The following NTNG1 variants were observed in gnomAD, a reference collection of about 807,000 sequenced individuals.
The protein encoded by NTNG1 is netrin-G1.
In NTNG1, 16 loss-of-function variants were observed where a neutral mutation model predicts 54.0. That is an observed-to-expected ratio of 0.30 (90% CI 0.20 to 0.45). The LOEUF (loss-of-function observed/expected upper bound fraction) is 0.45, where lower values mean the gene tolerates loss of function less well. NTNG1 is among the 20% of genes least tolerant of loss of function. The pLI, the probability that NTNG1 is intolerant of heterozygous loss-of-function variation, is 1.00. For synonymous variants in NTNG1, 255 were observed against 263.1 expected (o/e 0.97, Z 0.30); for missense variants, 530 against 678.7 (o/e 0.78, Z 2.43).
chr1:107,154,911 A>G (rs1268596305), intron 2 of NTNG1, among the ~76,000 whole-genome samples: 1 of 152,128 alleles, frequency 6.6e-6, no homozygotes, highest in Non-Finnish European at 1.5e-5. Flanking sequence ...GAAAGATTTA[A>G]CCGAATGCAG....
chr1:107,291,229 C>T (rs1314335817), intron 2 of NTNG1, among the ~76,000 whole-genome samples: 1 of 151,866 alleles, frequency 6.6e-6, no homozygotes, highest in African/African-American at 2.4e-5. Flanking sequence ...AATATGTGTT[C>T]TCTTCTTTAT....
intron 5 of NTNG1, chr1:107,409,144 C>G (rs972399092): frequency 6.6e-6 from 1 of 152,198 alleles, no homozygotes; most frequent in African/African-American, 2.4e-5. Context: ...ACCTTCAGCT[C>G]TAATAGTCTA....
At chr1:107,338,814 C>T (rs1668738576) in intron 3 of NTNG1, among the ~76,000 whole-genome samples, 1 of 142,988 alleles carries the variant, frequency 7.0e-6, no homozygotes, top group Admixed American at 7.0e-5. Flanking sequence ...CAGCCAAGGT[C>T]AAAACTTTAA....
chr1:107,452,606 A>G (rs1427291765), intron 7 of NTNG1, among the ~76,000 whole-genome samples: 3 of 152,070 alleles, frequency 2.0e-5, no homozygotes, highest in African/African-American at 7.2e-5. Context: ...CCTTCTGGTG[A>G]GACTGGATTA....
intron 2 of NTNG1, among the ~76,000 whole-genome samples, chr1:107,169,971 G>A (rs576202204): frequency 6.6e-6 from 1 of 152,310 alleles, no homozygotes; most frequent in African/African-American, 2.4e-5. Context: ...CTTCTTTAGG[G>A]AAGACTCAAC....
At position 107,398,288 on chromosome 1, in the gene NTNG1, T is replaced by TA. The variant is rs137974022; in HGVS notation, c.1060+2971dup. Reference sequence around the variant, plus strand: ...ATGTACCCTAAAACTTAAAGTATAATAAAAAAAAATAGGATGGTCAGTTTC... The same window carrying TA: ...ATGTACCCTAAAACTTAAAGTATAATAAAAAAAAAATAGGATGGTCAGTTTC... On this transcript the variant is annotated intron_variant, in intron 4 of 7. Coordinates refer to ENST00000370068, the MANE Select transcript of NTNG1 (RefSeq NM_001113226.3). Among the ~76,000 whole-genome samples the TA allele has an allele frequency of 0.012, 1,890 of 151,206 alleles. 93 individuals are homozygous for TA. In the East Asian group the frequency reaches 0.18, roughly 14 times the overall value.
chr1:107,411,551 G>C (rs998946837), intron 5 of NTNG1, among the ~76,000 whole-genome samples: 2 of 152,056 alleles, frequency 1.3e-5, no homozygotes, highest in African/African-American at 2.4e-5. Context: ...ATTAATAATC[G>C]CATTCATGTT....
chr1:107,186,676 C>T (rs1657484220), intron 2 of NTNG1, among the ~76,000 whole-genome samples: 1 of 152,124 alleles, frequency 6.6e-6, no homozygotes, highest in African/African-American at 2.4e-5. Flanking sequence ...ACCTTAAAGA[C>T]TTTGCGCTTG....
intron 4 of NTNG1, among the ~76,000 whole-genome samples, chr1:107,403,852 C>A (rs1673222748): frequency 6.6e-6 from 1 of 151,992 alleles, no homozygotes; most frequent in Non-Finnish European, 1.5e-5. Flanking sequence ...CTTTGTGCCT[C>A]TTCTATAAAA....
chr1:107,284,385 A>G (rs928465746), intron 2 of NTNG1, among the ~76,000 whole-genome samples: 3 of 152,156 alleles, frequency 2.0e-5, no homozygotes, highest in Admixed American at 6.6e-5. Flanking sequence ...TAATTTACCT[A>G]AAAGTATTGA....
At chr1:107,197,250 T>A (rs1658411397) in intron 2 of NTNG1, among the ~76,000 whole-genome samples, 1 of 152,132 alleles carries the variant, frequency 6.6e-6, no homozygotes, top group East Asian at 1.9e-4. Flanking sequence ...AAGGGTCAGC[T>A]GTGCTGAAAC....
intron 7 of NTNG1, among the ~76,000 whole-genome samples, chr1:107,445,374 T>C (rs1468412811): frequency 2.6e-5 from 4 of 152,092 alleles, no homozygotes; most frequent in Admixed American, 2.6e-4. Flanking sequence ...TTACAAATGG[T>C]CCCATCAGTT....
chr1:107,198,939 A>C (rs1458476399), intron 2 of NTNG1, among the ~76,000 whole-genome samples: 1 of 151,892 alleles, frequency 6.6e-6, no homozygotes, highest in Non-Finnish European at 1.5e-5. Flanking sequence ...ATTAGGAATG[A>C]GACACCGAAA....
At chr1:107,295,585 T>C (rs1417597773) in intron 2 of NTNG1, among the ~76,000 whole-genome samples, 1 of 152,122 alleles carries the variant, frequency 6.6e-6, no homozygotes, top group Non-Finnish European at 1.5e-5. Context: ...TGGCAACCTG[T>C]TTTTTCATTT....
chr1:107,368,064 C>T (rs933072708), intron 3 of NTNG1, among the ~76,000 whole-genome samples: 1 of 152,068 alleles, frequency 6.6e-6, no homozygotes, highest in African/African-American at 2.4e-5. Context: ...GGCCTAAAAA[C>T]TTTAAACAAG....
intron 3 of NTNG1, among the ~76,000 whole-genome samples, chr1:107,328,733 T>C (rs771895164): frequency 1.3e-5 from 2 of 152,128 alleles, no homozygotes; most frequent in Non-Finnish European, 2.9e-5. Flanking sequence ...TTATGAAATA[T>C]AAACTAAAAA....
chr1:107,228,475 T>C (rs1318101180), intron 2 of NTNG1, among the ~76,000 whole-genome samples: 5 of 152,208 alleles, frequency 3.3e-5, no homozygotes, highest in African/African-American at 1.2e-4. Flanking sequence ...CCTGTTAAAG[T>C]ATGGCAATCA....
At chr1:107,186,547 C>T (rs1657473570) in intron 2 of NTNG1, among the ~76,000 whole-genome samples, 1 of 152,092 alleles carries the variant, frequency 6.6e-6, no homozygotes, top group African/African-American at 2.4e-5. Context: ...TCCCTATGTA[C>T]TATTAGGTTG....
chr1:107,235,381 C>T (rs1661337375), intron 2 of NTNG1, among the ~76,000 whole-genome samples: 1 of 152,320 alleles, frequency 6.6e-6, no homozygotes, highest in Admixed American at 6.5e-5. Context: ...AAATGACCTA[C>T]ATCTTCATAC....
Sources: gnomAD v4.1 joint callset for allele counts (sites outside exome capture counted in the v4.1 genomes callset) on GRCh38, gnomAD v4.1.1 for gene constraint, MANE v1.5 for transcripts, NCBI Gene and HGNC (gene_info 2026-07-23, HGNC 2026-07-21) for gene names.